The following ACTN1 variants were observed in gnomAD, a reference collection of about 807,000 sequenced individuals.
The protein encoded by ACTN1 is alpha-actinin-1.
A neutral mutation model predicts 119.6 loss-of-function variants in ACTN1; 30 were observed. The observed-to-expected ratio is 0.25, with a 90% CI of 0.19 to 0.34. The LOEUF (loss-of-function observed/expected upper bound fraction) is 0.34. Ranked by LOEUF, ACTN1 falls within the 10% of genes least tolerant of loss-of-function variation. The pLI is 1.00. For missense variants in ACTN1, 764 were observed against 1,223.4 expected (o/e 0.62, Z 5.60); for synonymous variants, 429 against 472.6 (o/e 0.91, Z 1.20).
At chr14:68,959,223 G>A (rs2036449051) in intron 1 of ACTN1, among the ~76,000 whole-genome samples, 1 of 152,164 alleles carries the variant, frequency 6.6e-6, no homozygotes, top group African/African-American at 2.4e-5. Context: ...GCCTCTCTGA[G>A]GTTAAACCTC....
chr14:68,902,445 T>C (rs748491534), intron 8 of ACTN1, 32 bp downstream of exon 8: 5 of 1,581,790 alleles, frequency 3.2e-6, no homozygotes, highest in Non-Finnish European at 4.3e-6. Context: ...GGAGGTGTGC[T>C]GGGCATGGAA....
At chr14:68,937,130 C>A (rs1313202072) in intron 1 of ACTN1, among the ~76,000 whole-genome samples, 2 of 152,084 alleles carry the variant, frequency 1.3e-5, no homozygotes, top group Non-Finnish European at 2.9e-5. Flanking sequence ...CCGTCTCTCA[C>A]CCCCACCCTC....
intron 1 of ACTN1, among the ~76,000 whole-genome samples, chr14:68,970,902 G>A (rs1031399367): frequency 6.6e-6 from 1 of 152,196 alleles, no homozygotes; most frequent in Admixed American, 6.5e-5. Context: ...TGGTAAAGTC[G>A]CTTAACCTTT....
At chr14:68,942,695 G>A (rs939147885) in intron 1 of ACTN1, among the ~76,000 whole-genome samples, 2 of 152,174 alleles carry the variant, frequency 1.3e-5, no homozygotes, top group Non-Finnish European at 2.9e-5. Flanking sequence ...CCCGGCTGGT[G>A]GAGAGTAGAC....
chr14:68,970,889 G>GC (rs1338952425), intron 1 of ACTN1, among the ~76,000 whole-genome samples: 2 of 152,206 alleles, frequency 1.3e-5, no homozygotes, highest in African/African-American at 4.8e-5. Flanking sequence ...GCTACGGAAA[G>GC]CCTGGTAAAG....
At chr14:68,893,802 T>A in intron 8 of ACTN1, 55 bp from the exon 9 acceptor site, 1 of 1,547,170 alleles carries the variant, frequency 6.5e-7, no homozygotes, top group South Asian at 1.1e-5. Flanking sequence ...CAGGGGCACC[T>A]GGTACACACC....
Position 68,979,053 on chromosome 14 carries a change from C to A in ACTN1, c.4G>T (p.Asp2Tyr). 1 of 1,588,284 alleles carries A rather than the reference C, an allele frequency of 6.3e-7. No homozygotes were observed. Among genetic ancestry groups the A allele is most frequent in the Non-Finnish European group, 8.6e-7 (1 of 1,165,320 alleles). ...TTGGTTTGCTGAGAATCATAATGGTCCATGATGGTGCGCGCGTGCTAGGGT... is the reference window on the plus strand; with the variant it reads ...TTGGTTTGCTGAGAATCATAATGGTACATGATGGTGCGCGCGTGCTAGGGT... M[D>Y]HYDSQQTNDY... Residue 2 changes from aspartate to tyrosine, a missense_variant, in exon 1 of 22, where the codon GAC (aspartate) becomes TAC (tyrosine). Asp to Tyr is a radical substitution (Grantham distance 160, BLOSUM62 -3). Coordinates refer to ENST00000394419, the MANE Select transcript of ACTN1 (RefSeq NM_001130004.2).
chr14:68,877,251 C>G lies in ACTN1; in HGVS notation c.2428-11G>C. 1.2e-6 allele frequency: 2 copies of G among 1,613,868 alleles called. No individual in the cohort carries two copies. The highest frequency in any genetic ancestry group is 1.7e-6 in the Non-Finnish European group (2 of 1,179,892). On this transcript the variant is annotated splice_polypyrimidine_tract_variant and intron_variant, in intron 20 of 21. Transcript: ENST00000394419. ...AAATTCTGCTTCTCCCTGGAGGGAACAGCCAAACCCAGGCCTGTCAGCCCA... is the reference window on the plus strand; with the variant it reads ...AAATTCTGCTTCTCCCTGGAGGGAAGAGCCAAACCCAGGCCTGTCAGCCCA...
At chr14:68,895,504 C>A (rs1454106315) in intron 8 of ACTN1, among the ~76,000 whole-genome samples, 1 of 151,998 alleles carries the variant, frequency 6.6e-6, no homozygotes, top group Non-Finnish European at 1.5e-5. Context: ...TGCCGGAAGC[C>A]CCAGACTACT....
intron 1 of ACTN1, among the ~76,000 whole-genome samples, chr14:68,933,843 G>C (rs1174051117): frequency 6.6e-6 from 1 of 152,064 alleles, no homozygotes; most frequent in Admixed American, 6.5e-5. Flanking sequence ...CAAGCATGGT[G>C]GTACACACCT....
intron 8 of ACTN1, among the ~76,000 whole-genome samples, chr14:68,895,192 T>G (rs2032782250): frequency 6.6e-6 from 1 of 152,060 alleles, no homozygotes; most frequent in Non-Finnish European, 1.5e-5. Flanking sequence ...AAGAGTCCCC[T>G]GAGGTGGGGA....
intron 3 of ACTN1, among the ~76,000 whole-genome samples, chr14:68,913,611 T>TG (rs1444631218): frequency 6.6e-6 from 1 of 152,128 alleles, no homozygotes; most frequent in Non-Finnish European, 1.5e-5. Context: ...ACCAGCCGGG[T>TG]GTAGTCCATG....
intron 1 of ACTN1, among the ~76,000 whole-genome samples, chr14:68,926,811 T>C (rs1828948172): frequency 6.6e-6 from 1 of 151,814 alleles, no homozygotes; most frequent in Admixed American, 6.6e-5. Flanking sequence ...TGGCAATAAG[T>C]GGGTAGGAAG....
At chr14:68,937,698 C>T (rs2140473484) in intron 1 of ACTN1, among the ~76,000 whole-genome samples, 1 of 152,332 alleles carries the variant, frequency 6.6e-6, no homozygotes, top group Admixed American at 6.5e-5. Flanking sequence ...TGGTACACAG[C>T]TTCCTATACA....
At position 68,880,210 on chromosome 14, in the gene ACTN1, T is replaced by C; in HGVS notation, c.2134-102A>G. On this transcript the variant is annotated intron_variant, in intron 17 of 21. Transcript: ENST00000394419. This position sits in a 1 kb window ranked among gnomAD's most constrained non-coding sequence, Gnocchi z 4.6. ...CCAACCATCAAAATGGCCAAAGCCA[T>C]CAAACTTGGCCTTCTGTGTGGCTGA... 1 of 1,441,484 alleles carries C rather than the reference T, an allele frequency of 6.9e-7. No homozygotes were observed. 89.3% of individuals were successfully genotyped at this position (1,441,484 alleles called of 1,614,324 possible).
At chr14:68,916,000 C>T (rs751578735) in intron 3 of ACTN1, among the ~76,000 whole-genome samples, 10 of 151,996 alleles carry the variant, frequency 6.6e-5, no homozygotes, top group South Asian at 2.1e-4. Flanking sequence ...AGCAAGAGAG[C>T]GAGACTCATC....
At chr14:68,910,674 C>T (rs1014750417) in intron 4 of ACTN1, among the ~76,000 whole-genome samples, 2 of 152,090 alleles carry the variant, frequency 1.3e-5, no homozygotes, top group Non-Finnish European at 2.9e-5. Context: ...TAGGTTTGTG[C>T]TGTGTCCCCG....
intron 1 of ACTN1, among the ~76,000 whole-genome samples, chr14:68,961,119 C>A (rs1349437840): frequency 6.6e-6 from 1 of 152,140 alleles, no homozygotes; most frequent in Non-Finnish European, 1.5e-5. Context: ...TTTAATATAT[C>A]CACCTCAAAT....
Position 68,904,686 on chromosome 14 carries a change from G to A in ACTN1, c.645C>T (p.Tyr215=), listed in dbSNP as rs1433438795. The A allele has an allele frequency of 6.2e-7, 1 of 1,613,964 alleles. No homozygotes were observed. Among genetic ancestry groups the A allele is most frequent in the East Asian group, 2.2e-5 (1 of 44,888 alleles). The change falls in exon 7 of 22, where the codon TAC becomes TAT. Residue 215 remains tyrosine, a synonymous_variant. Coordinates refer to ENST00000394419, the MANE Select transcript of ACTN1 (RefSeq NM_001130004.2). ...LNTAFDVAEK[Y]LDIPKMLDAE... is the part of the protein sequence containing the mutation. ...CATCCAGCATCTTGGGGATGTCCAG[G>A]TACTTCTCTGCCACGTCAAAAGCCG...
Sources: allele counts gnomAD v4.1 joint callset (sites outside exome capture counted in the v4.1 genomes callset), GRCh38; gene constraint gnomAD v4.1.1; non-coding constraint Gnocchi (gnomAD v3.1); transcripts MANE v1.5; gene names NCBI Gene and HGNC (gene_info 2026-07-23, HGNC 2026-07-21).